The following IARS2 variants were observed in gnomAD, a reference collection of about 807,000 sequenced individuals.
The protein encoded by IARS2 is isoleucine--tRNA ligase, mitochondrial.
A neutral mutation model predicts 126.3 loss-of-function variants in IARS2; 56 were observed. That is an observed-to-expected ratio of 0.44 (90% confidence interval 0.36 to 0.55). The LOEUF is 0.55. Ranked by LOEUF, IARS2 falls within the 20% of genes least tolerant of loss-of-function variation. IARS2 has a pLI of 0.00. For missense variants in IARS2, 1,127 were observed against 1,245.9 expected (o/e 0.90, Z 1.44); for synonymous variants, 407 against 441.1 (o/e 0.92, Z 0.97).
At chr1:220,114,941 C>CTT (rs5781165) in intron 12 of IARS2, among the ~76,000 whole-genome samples, 7 of 144,044 alleles carry the variant, frequency 4.9e-5, no homozygotes, top group Non-Finnish European at 9.1e-5. Flanking sequence ...CAGTTTTTCC[C>CTT]TTTTTTTTTT....
At chr1:220,100,748 G>T in intron 3 of IARS2, 99 bp downstream of exon 3, 1 of 884,554 alleles carries the variant, frequency 1.1e-6, no homozygotes. Flanking sequence ...TTTGGGTTTC[G>T]TTTGCTTATA....
In IARS2 at chr1:220,109,971, A is replaced by T. The variant is rs566705581; in HGVS notation, c.1328-815A>T. ...TAGAAGTGGCATAATTTGGAGTCTG[A>T]TTAAGATTTTACAGTCCGTGCTTTT... On this transcript the variant is annotated intron_variant, in intron 10 of 22. Coordinates refer to ENST00000366922, the MANE Select transcript of IARS2 (RefSeq NM_018060.4). Among the ~76,000 whole-genome samples the T allele has an allele frequency of 3.2e-4, 49 of 152,322 alleles. No individual in the cohort carries two copies. In the East Asian group the frequency reaches 4.8e-3, roughly 15 times the overall value.
intron 12 of IARS2, among the ~76,000 whole-genome samples, chr1:220,119,672 C>T (rs1208467213): frequency 6.6e-6 from 1 of 152,000 alleles, no homozygotes; most frequent in Non-Finnish European, 1.5e-5. Flanking sequence ...ACTAATACCT[C>T]TTGTGTGAGG....
At chr1:220,137,255 T>G (rs1359541558) in intron 16 of IARS2, among the ~76,000 whole-genome samples, 1 of 152,214 alleles carries the variant, frequency 6.6e-6, no homozygotes, top group Non-Finnish European at 1.5e-5. Flanking sequence ...GTTGGCACAT[T>G]GCTGTCTGAA....
chr1:220,110,549 A>T (rs1281804153), intron 10 of IARS2, among the ~76,000 whole-genome samples: 3 of 152,088 alleles, frequency 2.0e-5, no homozygotes, highest in African/African-American at 7.2e-5. Context: ...CATTTTTAGT[A>T]GAGACGAGGT....
At position 220,147,803 on chromosome 1, in the gene IARS2, C is replaced by T; in HGVS notation, c.*168C>T. On this transcript the variant is annotated 3_prime_UTR_variant, in exon 23 of 23. Coordinates refer to ENST00000366922, the MANE Select transcript of IARS2 (RefSeq NM_018060.4). Reference sequence around the variant, plus strand: ...ATTATAGAAGAAGTATTTCCTGTAACTATAGAAAGAATTATGTATATATAC... The same window carrying T: ...ATTATAGAAGAAGTATTTCCTGTAATTATAGAAAGAATTATGTATATATAC... 1 of 628,960 alleles carries T rather than the reference C, an allele frequency of 1.6e-6. No homozygotes were observed. Among genetic ancestry groups the T allele is most frequent in the Non-Finnish European group, 2.7e-6 (1 of 365,808 alleles). The allele number at this position is 628,960 out of a possible 1,614,324, so 39.0% of individuals were successfully genotyped here.
In IARS2 at chr1:220,138,796, C is replaced by T. The variant is rs900238468; in HGVS notation, c.2176-212C>T. ...AAAATTCAGTCGTTAGGCGTAAAATCCAGTGGTTGTTCCTATAACTGGGCT... is the reference window on the plus strand; with the variant it reads ...AAAATTCAGTCGTTAGGCGTAAAATTCAGTGGTTGTTCCTATAACTGGGCT... On this transcript the variant is annotated intron_variant, in intron 17 of 22. Coordinates refer to ENST00000366922, the MANE Select transcript of IARS2 (RefSeq NM_018060.4). Among the ~76,000 whole-genome samples, 6 of 151,974 alleles carry T rather than the reference C, an allele frequency of 3.9e-5. No individual in the cohort carries two copies. In the South Asian group the frequency reaches 6.2e-4, roughly 16 times the overall value.
chr1:220,129,771 C>T (rs1349753265), intron 14 of IARS2, among the ~76,000 whole-genome samples: 1 of 152,124 alleles, frequency 6.6e-6, no homozygotes, highest in Non-Finnish European at 1.5e-5. Context: ...GATAGTTAGA[C>T]TGGTTCCATA....
At chr1:220,136,634 C>CAAAAAAAAAAAAAA (rs775927970) in intron 15 of IARS2, among the ~76,000 whole-genome samples, 175 bp from the exon 16 acceptor site, 1 of 63,126 alleles carries the variant, frequency 1.6e-5, no homozygotes, top group African/African-American at 6.1e-5. Flanking sequence ...GACTCCATCT[C>CAAAAAAAAAAAAAA]AAAAAAAAAA....
At position 220,137,907 on chromosome 1, in the gene IARS2, T is replaced by C. The variant is rs1010343981; in HGVS notation, c.2050-11T>C. 3.7e-6 allele frequency: 6 copies of C among 1,613,522 alleles called. No homozygotes were observed. In the African/African-American group the frequency reaches 8.0e-5, roughly 22 times the overall value. On this transcript the variant is annotated splice_polypyrimidine_tract_variant and intron_variant, in intron 16 of 22. Coordinates refer to ENST00000366922, the MANE Select transcript of IARS2 (RefSeq NM_018060.4). Reference sequence around the variant, plus strand: ...GCCATTGTGTTTATATATTTTTTTCTCAATGAAAAGGATCAAAGCAAAGAG... The same window carrying C: ...GCCATTGTGTTTATATATTTTTTTCCCAATGAAAAGGATCAAAGCAAAGAG...
intron 14 of IARS2, among the ~76,000 whole-genome samples, chr1:220,132,219 T>G (rs1423387920): frequency 6.6e-6 from 1 of 152,212 alleles, no homozygotes; most frequent in Non-Finnish European, 1.5e-5. Context: ...TAAGAAGAGT[T>G]TCCTCCTCTT....
intron 15 of IARS2, among the ~76,000 whole-genome samples, chr1:220,135,607 T>C (rs1238486496): frequency 6.7e-6 from 1 of 148,802 alleles, no homozygotes; most frequent in Non-Finnish European, 1.5e-5. Flanking sequence ...GGATTCACCC[T>C]CCTGAGCCTC....
intron 12 of IARS2, among the ~76,000 whole-genome samples, chr1:220,118,773 G>A (rs1656979384): frequency 6.6e-6 from 1 of 151,966 alleles, no homozygotes; most frequent in African/African-American, 2.4e-5. Flanking sequence ...GTTAACTTTA[G>A]CTACCTCAAA....
At chr1:220,095,625 C>G (rs1427111460) in intron 1 of IARS2, among the ~76,000 whole-genome samples, 1 of 151,808 alleles carries the variant, frequency 6.6e-6, no homozygotes, top group Non-Finnish European at 1.5e-5. Flanking sequence ...CGTAAGTGCA[C>G]AGTAACCTGG....
intron 12 of IARS2, 116 bp from the exon 13 acceptor site, chr1:220,125,121 C>A: frequency 1.8e-6 from 1 of 548,090 alleles, no homozygotes; most frequent in Non-Finnish European, 3.1e-6. Context: ...GCAGCTTTTT[C>A]TTCAAACTAA....
In IARS2 at chr1:220,094,537, G is replaced by T; in HGVS notation, c.267+54G>T. 2.1e-6 allele frequency: 3 copies of T among 1,457,812 alleles called. 1 individual carries two copies. The highest frequency in any genetic ancestry group is 5.0e-5 in the East Asian group (2 of 39,866). 90.3% of individuals were successfully genotyped at this position (1,457,812 alleles called of 1,614,324 possible). ...CCAGAGAGGCCCGATCCGGCCGCGGGCACCGGGCGCTCGCAGGCGCCACAC... is the reference window on the plus strand; with the variant it reads ...CCAGAGAGGCCCGATCCGGCCGCGGTCACCGGGCGCTCGCAGGCGCCACAC... On this transcript the variant is annotated intron_variant, in intron 1 of 22. Transcript: ENST00000366922.
chr1:220,126,426 G>A (rs1012034437), intron 13 of IARS2, among the ~76,000 whole-genome samples: 1 of 152,166 alleles, frequency 6.6e-6, no homozygotes, highest in African/African-American at 2.4e-5. Flanking sequence ...GTGCCTAATG[G>A]TACATCAGGC....
chr1:220,145,665 A>G lies in IARS2; in HGVS notation c.2896+12A>G, dbSNP rs75519000. The G allele has an allele frequency of 0.095, 152,807 of 1,602,034 alleles. 7,850 individuals carry two copies. Among genetic ancestry groups the G allele is most frequent in the South Asian group, 0.15 (13,111 of 89,566 alleles). On this transcript the variant is annotated intron_variant, in intron 22 of 22. Transcript: ENST00000366922. The stretch of plus-strand genomic sequence containing the variant: ...CATCAACTTAGAAGGTAAGAAGGAG[A>G]TGAAAGTAACAAGTAACATCTGGAG...
chr1:220,147,612 G>A lies in IARS2; in HGVS notation c.3016G>A (p.Ala1006Thr). The change falls in exon 23 of 23, where the codon GCA becomes ACA. Residue 1006 changes from alanine (A) to threonine (T), a missense_variant. Ala to Thr is a moderately conservative substitution (Grantham distance 58, BLOSUM62 0). Transcript: ENST00000366922. ...ESSDTLCPRC[A>T]EVVSGK ...TTCAGATACACTGTGTCCTCGATGT[G>A]CAGAAGTTGTCAGTGGAAAATAGTA... is the stretch of plus-strand genomic sequence containing the variant. 1 of 1,614,114 alleles carries A rather than the reference G, an allele frequency of 6.2e-7. No individual in the cohort carries two copies.
Sources: allele counts gnomAD v4.1 joint callset (sites outside exome capture counted in the v4.1 genomes callset), GRCh38; gene constraint gnomAD v4.1.1; transcripts MANE v1.5; gene names NCBI Gene and HGNC (gene_info 2026-07-23, HGNC 2026-07-21).